CAMSAP2: variants seen among roughly 807,000 people sequenced by gnomAD.
CAMSAP2 encodes the protein calmodulin regulated spectrin associated protein family member 2.
CAMSAP2 carries 26 observed loss-of-function variants against 146.1 expected under a neutral mutation model. The ratio of observed to expected loss-of-function variants is 0.18; its 90% CI spans 0.13 to 0.25. The LOEUF is 0.25. Ranked by LOEUF, CAMSAP2 falls within the 10% of genes least tolerant of loss-of-function variation. CAMSAP2 has a pLI of 1.00. For synonymous variants in CAMSAP2, 499 were observed against 596.6 expected, an observed-to-expected ratio of 0.84 and a Z score of 2.38; for missense variants, 1,381 against 1,759.3, an observed-to-expected ratio of 0.78 and a Z score of 3.85.
intron 2 of CAMSAP2, among the ~76,000 whole-genome samples, chr1:200,787,765 A>G (rs966442903): frequency 6.6e-6 from 1 of 152,314 alleles, no homozygotes; most frequent in East Asian, 1.9e-4. Context: ...AGAAGAGCCA[A>G]TCAGCACGCA....
intron 6 of CAMSAP2, among the ~76,000 whole-genome samples, chr1:200,837,668 T>C (rs1459617111): frequency 1.3e-5 from 2 of 152,224 alleles, no homozygotes; most frequent in Non-Finnish European, 1.5e-5. Context: ...TTGGGCAGTA[T>C]GGCTATTTTA....
chr1:200,814,306 A>C (rs1666418360), intron 3 of CAMSAP2, among the ~76,000 whole-genome samples: 1 of 152,042 alleles, frequency 6.6e-6, no homozygotes, highest in African/African-American at 2.4e-5. Context: ...ACAATGTATT[A>C]CCATGATAGA....
Position 200,849,004 on chromosome 1 carries a change from G to A in CAMSAP2, c.2235G>A (p.Leu745=). The A allele has an allele frequency of 6.2e-7, 1 of 1,614,120 alleles. No individual in the cohort carries two copies. The highest frequency in any genetic ancestry group is 1.1e-5 in the South Asian group (1 of 91,082). Residue 745 remains leucine, a synonymous_variant, in exon 11 of 17, where the codon CTG becomes CTA. Transcript: ENST00000358823. This position sits in a 1 kb window ranked among gnomAD's most constrained non-coding sequence, Gnocchi z 6.3. ...GLPQGRDTTQ[L]LASEMVHLRM... ...CACAGGGACGGGACACTACCCAGCT[G>A]TTGGCCTCTGAAATGGTGCATCTTA...
intron 3 of CAMSAP2, among the ~76,000 whole-genome samples, chr1:200,807,831 T>A (rs1666222658): frequency 6.7e-6 from 1 of 149,518 alleles, no homozygotes; most frequent in African/African-American, 2.5e-5. Context: ...ACCTCCGCCC[T>A]TCAGGTTCTA....
At chr1:200,801,219 G>T (rs866647027) in intron 2 of CAMSAP2, among the ~76,000 whole-genome samples, 4 of 151,620 alleles carry the variant, frequency 2.6e-5, no homozygotes, top group African/African-American at 9.7e-5. Flanking sequence ...AGCTGAGATC[G>T]CGCCACTGCA....
Position 200,849,373 on chromosome 1 carries a change from A to G in CAMSAP2, c.2604A>G (p.Ser868=). The stretch of plus-strand genomic sequence containing the variant: ...AGCAGTGGAACCTGGCAAGCCCCTC[A>G]GAAGAAACTTTAAATGAAGGAGAGA... ...PEKQWNLASP[S]EETLNEGEIL... is the part of the protein sequence containing the mutation. Residue 868 remains serine (S), a synonymous_variant, in exon 11 of 17, where the codon TCA becomes TCG. Coordinates refer to ENST00000358823, the MANE Select transcript of CAMSAP2 (RefSeq NM_203459.4). This position sits in a 1 kb window ranked among gnomAD's most constrained non-coding sequence, Gnocchi z 6.3. The G allele has an allele frequency of 6.2e-7, 1 of 1,614,126 alleles. No individual in the cohort carries two copies. The highest frequency in any genetic ancestry group is 8.5e-7 in the Non-Finnish European group (1 of 1,180,002).
In CAMSAP2 at chr1:200,849,161, A is replaced by C. The variant is rs1252646355; in HGVS notation, c.2392A>C (p.Ile798Leu). 2 of 1,613,996 alleles carry C rather than the reference A, an allele frequency of 1.2e-6. No individual in the cohort carries two copies. The highest frequency in any genetic ancestry group is 2.7e-5 in the African/African-American group (2 of 74,942). ...LTVVKKKGDG[I>L]SPLREEAAGA... ...TGTAGTGAAAAAGAAAGGGGATGGG[A>C]TATCTCCTCTACGAGAGGAAGCGGC... The change falls in exon 11 of 17, where the codon ATA (isoleucine) becomes CTA (leucine). Residue 798 changes from isoleucine (I) to leucine (L), a missense_variant. Around this residue, in one of 4 missense-constraint regions of CAMSAP2, gnomAD observed 560 missense variants for 715.9 expected, o/e 0.78. Transcript: ENST00000358823. This position sits in a 1 kb window ranked among gnomAD's most constrained non-coding sequence, Gnocchi z 6.3.
intron 2 of CAMSAP2, among the ~76,000 whole-genome samples, chr1:200,780,023 T>C (rs535115419): frequency 5.9e-5 from 9 of 152,148 alleles, no homozygotes; most frequent in Non-Finnish European, 1.3e-4. Context: ...CTTTTCTTCT[T>C]ATTAATAGAG....
At chr1:200,786,565 G>T (rs1665597861) in intron 2 of CAMSAP2, among the ~76,000 whole-genome samples, 1 of 148,600 alleles carries the variant, frequency 6.7e-6, no homozygotes, top group African/African-American at 2.5e-5. Context: ...TGTATTTTTA[G>T]TAGAGACGAG....
chr1:200,848,795 A>G lies in CAMSAP2; in HGVS notation c.2026A>G (p.Ser676Gly). 1 of 1,614,212 alleles carries G rather than the reference A, an allele frequency of 6.2e-7. No homozygotes were observed. The highest frequency in any genetic ancestry group is 8.5e-7 in the Non-Finnish European group (1 of 1,180,020). Residue 676 changes from serine to glycine, a missense_variant, in exon 11 of 17, where the codon AGC becomes GGC. Coordinates refer to ENST00000358823, the MANE Select transcript of CAMSAP2 (RefSeq NM_203459.4). ...STVSTKSQPG[S>G]SASSSSGVKM... ...TGTAAGTACCAAGTCTCAGCCAGGC[A>G]GCAGTGCTTCTTCTAGTTCTGGAGT...
chr1:200,788,609 A>G (rs2103029111), intron 2 of CAMSAP2, among the ~76,000 whole-genome samples: 1 of 151,314 alleles, frequency 6.6e-6, no homozygotes, highest in East Asian at 1.9e-4. Context: ...CATTTCCCTG[A>G]TAATATATGA....
chr1:200,850,447 G>A (rs534040056), intron 11 of CAMSAP2, among the ~76,000 whole-genome samples: 1 of 152,236 alleles, frequency 6.6e-6, no homozygotes, highest in East Asian at 1.9e-4. Flanking sequence ...ATGTTTAGAT[G>A]TATTCCTTGG....
At position 200,743,743 on chromosome 1, in the gene CAMSAP2, C is replaced by T. The variant is rs4915454; in HGVS notation, c.139+3777C>T. On this transcript the variant is annotated intron_variant, in intron 1 of 16. Transcript: ENST00000358823. ...ATCACCTGAGGTCAGAAGTTCAAGA[C>T]CAGCGTGACCAACATGGTGAAACCC... 6.9e-3 allele frequency among the ~76,000 whole-genome samples: 1,051 copies of T among 151,940 alleles called. 15 individuals carry two copies. The highest frequency in any genetic ancestry group is 0.02 in the Admixed American group (305 of 15,268).
At chr1:200,816,302 T>A (rs1327423248) in intron 4 of CAMSAP2, among the ~76,000 whole-genome samples, 1 of 133,060 alleles carries the variant, frequency 7.5e-6, no homozygotes, top group African/African-American at 2.8e-5. Flanking sequence ...AAAAAAAATA[T>A]ATATATAGGG....
At chr1:200,807,563 T>C (rs1666212395) in intron 3 of CAMSAP2, 26 bp downstream of exon 3, 3 of 1,467,316 alleles carry the variant, frequency 2.0e-6, no homozygotes, top group Middle Eastern at 1.8e-4. Flanking sequence ...CTTGAGTAAA[T>C]CGCATCTCAT....
At chr1:200,771,628 C>T (rs536716630) in intron 2 of CAMSAP2, among the ~76,000 whole-genome samples, 47 of 152,072 alleles carry the variant, frequency 3.1e-4, no homozygotes, top group Non-Finnish European at 5.7e-4. Flanking sequence ...CATGTCTATG[C>T]CTCTCACTTT....
In CAMSAP2 at chr1:200,772,438, G is replaced by A. The variant is rs186331171; in HGVS notation, c.399+11340G>A. Among the ~76,000 whole-genome samples, 8 of 152,036 alleles carry A rather than the reference G, an allele frequency of 5.3e-5. No homozygotes were observed. In the East Asian group the frequency reaches 9.7e-4, roughly 18 times the overall value. On this transcript the variant is annotated intron_variant, in intron 2 of 16. Transcript: ENST00000358823. ...AGCCTGGACAACATGGCGAAACCCCGTCTTTACTAAACATACAAAAACTAG... is the reference window on the plus strand; with the variant it reads ...AGCCTGGACAACATGGCGAAACCCCATCTTTACTAAACATACAAAAACTAG...
chr1:200,833,230 C>T (rs1379862571), intron 6 of CAMSAP2, among the ~76,000 whole-genome samples: 2 of 152,014 alleles, frequency 1.3e-5, no homozygotes, highest in African/African-American at 4.8e-5. Context: ...CTATAAGCTA[C>T]AAGTTTCTTT....
intron 2 of CAMSAP2, among the ~76,000 whole-genome samples, chr1:200,771,562 A>C (rs1665118407): frequency 6.6e-6 from 1 of 152,176 alleles, no homozygotes; most frequent in Non-Finnish European, 1.5e-5. Context: ...TTCTGGTCAT[A>C]AAGAGATATT....
Sources: gnomAD v4.1 joint callset for allele counts (sites outside exome capture counted in the v4.1 genomes callset) on GRCh38, gnomAD v4.1.1 for gene constraint, gnomAD v4.1.1 regional missense constraint, Gnocchi (gnomAD v3.1) non-coding constraint, MANE v1.5 for transcripts, NCBI Gene and HGNC (gene_info 2026-07-23, HGNC 2026-07-21) for gene names.